Variants in DLG2 observed in about 807,000 individuals in gnomAD.
DLG2 encodes the protein disks large homolog 2.
Under a neutral mutation model 132.5 loss-of-function variants are expected in DLG2, and 45 were observed. That is an observed-to-expected ratio of 0.34 (90% CI 0.27 to 0.44). The LOEUF (loss-of-function observed/expected upper bound fraction) is 0.44. Ranked by LOEUF, DLG2 falls within the 20% of genes least tolerant of loss-of-function variation. The pLI is 1.00. For synonymous variants in DLG2, 424 were observed against 419.6 expected (o/e 1.01, Z -0.13); for missense variants, 1,045 against 1,196.9 (o/e 0.87, Z 1.87).
chr11:84,584,188 G>C (rs534823003), intron 6 of DLG2, among the ~76,000 whole-genome samples: 1 of 152,026 alleles, frequency 6.6e-6, no homozygotes. Context: ...ACAGTATCAG[G>C]CTTCCTAATT....
chr11:85,400,089 AAAAC>A (rs2087894832), intron 3 of DLG2, among the ~76,000 whole-genome samples: 2 of 152,114 alleles, frequency 1.3e-5, no homozygotes, highest in African/African-American at 4.8e-5. Context: ...TTACAAGAAA[AAAAC>A]AAACAACCCC....
At position 84,254,009 on chromosome 11, in the gene DLG2, G is replaced by A. The variant is rs371473436; in HGVS notation, c.520-2718C>T. 1.2e-4 allele frequency among the ~76,000 whole-genome samples: 18 copies of A among 152,190 alleles called. 1 individual carries two copies. The highest frequency in any genetic ancestry group is 4.3e-4 in the African/African-American group (18 of 41,522). On this transcript the variant is annotated intron_variant, in intron 7 of 27. Transcript: ENST00000376104. The stretch of plus-strand genomic sequence containing the variant: ...CAGGTTAGACGTTGAACACAGTCTG[G>A]TGAAGCCTTAGTATGTATTTTTAAA...
intron 6 of DLG2, among the ~76,000 whole-genome samples, chr11:85,070,561 A>G (rs1321887944): frequency 6.6e-6 from 1 of 151,768 alleles, no homozygotes; most frequent in Non-Finnish European, 1.5e-5. Context: ...TGTATCCCCT[A>G]AATCTATAAA....
intron 6 of DLG2, among the ~76,000 whole-genome samples, chr11:85,006,671 A>C (rs1166089680): frequency 3.9e-5 from 6 of 152,064 alleles, no homozygotes; most frequent in Non-Finnish European, 8.8e-5. Flanking sequence ...CTTTTTCAAA[A>C]AAAACAGTTC....
intron 3 of DLG2, among the ~76,000 whole-genome samples, chr11:85,412,730 C>T (rs1366935471): frequency 8.5e-5 from 10 of 117,146 alleles, no homozygotes; most frequent in African/African-American, 3.5e-4. Flanking sequence ...GTATTTCACA[C>T]ACACACACAC....
chr11:84,080,378 A>T (rs548254559), intron 10 of DLG2, among the ~76,000 whole-genome samples: 1 of 152,326 alleles, frequency 6.6e-6, no homozygotes, highest in Non-Finnish European at 1.5e-5. Flanking sequence ...CAAAACAGTG[A>T]CATAGCTCAT....
At chr11:84,540,682 C>T (rs907669642) in intron 6 of DLG2, among the ~76,000 whole-genome samples, 21 of 152,120 alleles carry the variant, frequency 1.4e-4, no homozygotes, top group African/African-American at 5.1e-4. Context: ...CCAGCCATCC[C>T]ATTACTGGGT....
chr11:83,897,563 T>C (rs1354723029), intron 15 of DLG2, among the ~76,000 whole-genome samples: 2 of 152,220 alleles, frequency 1.3e-5, no homozygotes, highest in Non-Finnish European at 2.9e-5. Flanking sequence ...TAAAATTTAC[T>C]TGAATACTAA....
chr11:84,843,581 C>T (rs551286106), intron 6 of DLG2, among the ~76,000 whole-genome samples: 2 of 151,862 alleles, frequency 1.3e-5, no homozygotes, highest in African/African-American at 2.4e-5. Flanking sequence ...CAGACACCAA[C>T]ATTCACAGAT....
At chr11:84,805,691 C>G (rs2075913835) in intron 6 of DLG2, among the ~76,000 whole-genome samples, 1 of 152,204 alleles carries the variant, frequency 6.6e-6, no homozygotes, top group South Asian at 2.1e-4. Context: ...ATTGTAATTA[C>G]TGGCTCCAAC....
At chr11:85,624,340 A>G (rs534324630) in intron 2 of DLG2, among the ~76,000 whole-genome samples, 49 of 152,354 alleles carry the variant, frequency 3.2e-4, no homozygotes, top group Non-Finnish European at 6.5e-4. Flanking sequence ...TGACAAAAAT[A>G]TACTAACTAA....
intron 6 of DLG2, among the ~76,000 whole-genome samples, chr11:85,077,382 T>C (rs1350351782): frequency 2.0e-5 from 3 of 151,910 alleles, no homozygotes; most frequent in African/African-American, 7.3e-5. Context: ...AAAGGAGTGA[T>C]AGGAACAAAT....
chr11:84,383,682 C>G (rs1601116993), intron 7 of DLG2, among the ~76,000 whole-genome samples: 1 of 152,098 alleles, frequency 6.6e-6, no homozygotes, highest in East Asian at 1.9e-4. Flanking sequence ...CTGAGGCTCT[C>G]AGCCATACCC....
chr11:83,511,178 T>C (rs1004299015), intron 21 of DLG2, among the ~76,000 whole-genome samples: 2 of 151,984 alleles, frequency 1.3e-5, no homozygotes, highest in South Asian at 2.1e-4. Flanking sequence ...TACTAGACAC[T>C]AGTGATCACC....
At chr11:85,038,908 C>A (rs970391695) in intron 6 of DLG2, among the ~76,000 whole-genome samples, 1 of 151,858 alleles carries the variant, frequency 6.6e-6, no homozygotes, top group Non-Finnish European at 1.5e-5. Context: ...TTTAAAATAC[C>A]TTTTTTTCTC....
chr11:83,789,886 T>C (rs1189613835), intron 17 of DLG2: 1 of 639,024 alleles, frequency 1.6e-6, no homozygotes, highest in Non-Finnish European at 2.4e-6. Flanking sequence ...CAGCAAAAGA[T>C]TTTGATGGCA....
chr11:84,067,472 G>A (rs1364943891), intron 10 of DLG2, among the ~76,000 whole-genome samples: 1 of 152,020 alleles, frequency 6.6e-6, no homozygotes, highest in African/African-American at 2.4e-5. Context: ...ATTAAAGGTA[G>A]GTTATGAACA....
rs564478495 is a variant in DLG2, at chr11:84,978,329, A to G, written c.357+133332T>C. 2.0e-4 allele frequency among the ~76,000 whole-genome samples: 30 copies of G among 152,334 alleles called. 1 individual carries two copies. In the South Asian group the frequency reaches 6.0e-3, roughly 31 times the overall value. ...ACTATTTTAAAGTTCATATGGAACCAAAAAAGAGCCCGCATTGCCAAGACA... is the reference window on the plus strand; with the variant it reads ...ACTATTTTAAAGTTCATATGGAACCGAAAAAGAGCCCGCATTGCCAAGACA... On this transcript the variant is annotated intron_variant, in intron 6 of 27. Coordinates refer to ENST00000376104, the MANE Select transcript of DLG2 (RefSeq NM_001142699.3).
intron 6 of DLG2, among the ~76,000 whole-genome samples, chr11:84,951,372 T>G (rs1442509736): frequency 6.6e-6 from 1 of 152,124 alleles, no homozygotes; most frequent in Non-Finnish European, 1.5e-5. Context: ...TGCTTAAGTT[T>G]AGGATAATAG....
Sources: gnomAD v4.1 joint callset for allele counts (sites outside exome capture counted in the v4.1 genomes callset) on GRCh38, gnomAD v4.1.1 for gene constraint, MANE v1.5 for transcripts, NCBI Gene and HGNC (gene_info 2026-07-23, HGNC 2026-07-21) for gene names.